TMEM266: variants seen among roughly 807,000 people sequenced by gnomAD.
The protein encoded by TMEM266 is transmembrane protein 266.
A neutral mutation model predicts 50.5 loss-of-function variants in TMEM266; 33 were observed. That is an observed-to-expected ratio of 0.65 (90% CI 0.50 to 0.87). TMEM266 has a LOEUF of 0.87. TMEM266 is among the 40% of genes least tolerant of loss of function. TMEM266 has a pLI of 0.00. For missense variants in TMEM266, 655 were observed against 695.1 expected (o/e 0.94, Z 0.65); for synonymous variants, 310 against 292.3 (o/e 1.06, Z -0.62).
At chr15:76,152,688 CAT>C (rs2037862693) in intron 3 of TMEM266, among the ~76,000 whole-genome samples, 1 of 147,512 alleles carries the variant, frequency 6.8e-6, no homozygotes, top group South Asian at 2.1e-4. Flanking sequence ...AGCTTTCTCA[CAT>C]GTCGCTTTCT....
chr15:76,170,670 A>G (rs1214024777), intron 6 of TMEM266, among the ~76,000 whole-genome samples: 1 of 152,238 alleles, frequency 6.6e-6, no homozygotes, highest in Non-Finnish European at 1.5e-5. Flanking sequence ...GGAGGGATCC[A>G]GCTTGGCCTC....
chr15:76,070,601 C>G (rs1229325776), intron 1 of TMEM266, among the ~76,000 whole-genome samples: 1 of 152,190 alleles, frequency 6.6e-6, no homozygotes, highest in African/African-American at 2.4e-5. Context: ...TACTACTACT[C>G]TAGTACTCTG....
Position 76,161,462 on chromosome 15 carries a change from GCTCTCTCTCT to G in TMEM266, c.456+1304_456+1313del, listed in dbSNP as rs374927714. ...CCCCTCTGGCCTAGCTAATGGCTCT[GCTCTCTCTCT>G]CTCTCTCTCCCTAAAAATCAGGAGG... On this transcript the variant is annotated intron_variant, in intron 5 of 10. Transcript: ENST00000388942. This position sits in a 1 kb window ranked among gnomAD's most constrained non-coding sequence, Gnocchi z 4.1. 6.7e-6 allele frequency among the ~76,000 whole-genome samples: 1 copy of G among 150,214 alleles called. No homozygotes were observed. The highest frequency in any genetic ancestry group is 2.1e-4 in the South Asian group (1 of 4,742).
intron 1 of TMEM266, among the ~76,000 whole-genome samples, chr15:76,084,325 G>T (rs562544896): frequency 6.6e-6 from 1 of 152,140 alleles, no homozygotes; most frequent in African/African-American, 2.4e-5. Flanking sequence ...AAAAGAAAAA[G>T]AAAATAAAAG....
intron 1 of TMEM266, among the ~76,000 whole-genome samples, chr15:76,079,528 G>A (rs1317655566): frequency 1.3e-5 from 2 of 150,356 alleles, no homozygotes; most frequent in East Asian, 2.0e-4. Flanking sequence ...GGTGGCTCAC[G>A]CCTGTAGTCC....
At chr15:76,105,160 C>T (rs1251426991) in intron 1 of TMEM266, among the ~76,000 whole-genome samples, 2 of 152,204 alleles carry the variant, frequency 1.3e-5, no homozygotes, top group East Asian at 1.9e-4. Context: ...ACAGAAAAAT[C>T]GCTTGAACCC....
chr15:76,062,427 C>T (rs367921352), intron 1 of TMEM266, among the ~76,000 whole-genome samples: 3 of 152,164 alleles, frequency 2.0e-5, no homozygotes, highest in South Asian at 2.1e-4. Context: ...ATTCTTGCCT[C>T]GTGGGAAACA....
Position 76,071,908 on chromosome 15 carries a change from A to ATTT in TMEM266, c.-97+11902_-97+11904dup, listed in dbSNP as rs545904070. Among the ~76,000 whole-genome samples, 247 of 146,196 alleles carry ATTT rather than the reference A, an allele frequency of 1.7e-3. 1 individual carries two copies. The highest frequency in any genetic ancestry group is 5.7e-3 in the African/African-American group (228 of 40,212). On this transcript the variant is annotated intron_variant, in intron 1 of 10. Coordinates refer to ENST00000388942, the MANE Select transcript of TMEM266 (RefSeq NM_152335.3). ...AGATTTGATTTAGACCAGATTCGGC[A>ATTT]TTTTTTTTTTTTAAACACCTGAAAA...
chr15:76,079,102 C>A (rs2036645887), intron 1 of TMEM266, among the ~76,000 whole-genome samples: 1 of 152,238 alleles, frequency 6.6e-6, no homozygotes, highest in Admixed American at 6.5e-5. Context: ...CCTATAATCC[C>A]AGCACTCTGG....
intron 1 of TMEM266, among the ~76,000 whole-genome samples, chr15:76,073,677 A>C (rs2036568399): frequency 6.6e-6 from 1 of 152,230 alleles, no homozygotes; most frequent in South Asian, 2.1e-4. Context: ...GCAGAAGAAA[A>C]CCTTAGTATA....
At chr15:76,191,902 A>T (rs1186163594) in intron 8 of TMEM266, 66 bp from the exon 9 acceptor site, 26 of 1,421,910 alleles carry the variant, frequency 1.8e-5, no homozygotes, top group Non-Finnish European at 2.3e-5. Context: ...AAGCGCCCAG[A>T]GGTCAGGCTG....
intron 3 of TMEM266, among the ~76,000 whole-genome samples, chr15:76,142,937 A>G (rs1396599884): frequency 6.6e-6 from 1 of 152,176 alleles, no homozygotes; most frequent in Non-Finnish European, 1.5e-5. Context: ...TTTGCCTGGC[A>G]GTCCTCTGCA....
At chr15:76,170,833 A>T (rs1340546065) in intron 6 of TMEM266, among the ~76,000 whole-genome samples, 160 bp from the exon 7 acceptor site, 1 of 151,798 alleles carries the variant, frequency 6.6e-6, no homozygotes, top group African/African-American at 2.4e-5. Flanking sequence ...GCCCCTAAAG[A>T]CTCAGGAGGG....
At chr15:76,174,623 G>T (rs1217369397) in intron 7 of TMEM266, among the ~76,000 whole-genome samples, 2 of 152,172 alleles carry the variant, frequency 1.3e-5, no homozygotes, top group Non-Finnish European at 2.9e-5. Context: ...TCTAAGTCTG[G>T]AGTGTTTTCA....
intron 9 of TMEM266, among the ~76,000 whole-genome samples, chr15:76,193,959 C>T (rs996164450): frequency 6.6e-6 from 1 of 152,238 alleles, no homozygotes; most frequent in African/African-American, 2.4e-5. Context: ...GTAATATCCA[C>T]AACTGAATGC....
At chr15:76,101,985 A>C (rs760212199) in intron 1 of TMEM266, among the ~76,000 whole-genome samples, 4 of 152,186 alleles carry the variant, frequency 2.6e-5, no homozygotes, top group Non-Finnish European at 5.9e-5. Context: ...CTCCTACTGC[A>C]TACAGATGGA....
chr15:76,201,699 A>G (rs2038751197), intron 9 of TMEM266, among the ~76,000 whole-genome samples: 1 of 152,104 alleles, frequency 6.6e-6, no homozygotes, highest in Non-Finnish European at 1.5e-5. Context: ...GTCTGTTCCT[A>G]TACTGCATGG....
At chr15:76,099,029 G>A (rs1296642614) in intron 1 of TMEM266, among the ~76,000 whole-genome samples, 1 of 152,142 alleles carries the variant, frequency 6.6e-6, no homozygotes, top group East Asian at 1.9e-4. Context: ...ATGGTGGTGG[G>A]ACCCACTGAG....
chr15:76,199,420 ACC>A (rs2038705093), intron 9 of TMEM266, among the ~76,000 whole-genome samples: 4 of 152,190 alleles, frequency 2.6e-5, no homozygotes, highest in Non-Finnish European at 5.9e-5. Context: ...CAGCAGGCTG[ACC>A]CTCTGGGCTG....
Sources: allele counts gnomAD v4.1 joint callset (sites outside exome capture counted in the v4.1 genomes callset), GRCh38; gene constraint gnomAD v4.1.1; non-coding constraint Gnocchi (gnomAD v3.1); transcripts MANE v1.5; gene names NCBI Gene and HGNC (gene_info 2026-07-23, HGNC 2026-07-21).